RANBP3: variants seen among roughly 807,000 people sequenced by gnomAD.
The protein encoded by RANBP3 is ran-binding protein 3.
A neutral mutation model predicts 77.3 loss-of-function variants in RANBP3; 14 were observed. That is an observed-to-expected ratio of 0.18 (90% CI 0.12 to 0.28). RANBP3 has a LOEUF of 0.28. RANBP3 is among the 10% of genes least tolerant of loss of function. The pLI is 1.00. For synonymous variants in RANBP3, 315 were observed against 312.4 expected (o/e 1.01, Z -0.09); for missense variants, 586 against 752.3 (o/e 0.78, Z 2.59).
intron 1 of RANBP3, among the ~76,000 whole-genome samples, chr19:5,974,639 CCAA>C (rs1360386072): frequency 6.6e-6 from 1 of 152,030 alleles, no homozygotes; most frequent in Non-Finnish European, 1.5e-5. Context: ...GTGACGAGGG[CCAA>C]CAAGATGCTT....
chr19:5,921,369 G>A lies in RANBP3; in HGVS notation c.1210-48C>T, dbSNP rs2057817709. On this transcript the variant is annotated intron_variant, in intron 13 of 16. Transcript: ENST00000340578. The surrounding 1 kb of genome is among the most constrained non-coding windows in gnomAD (Gnocchi z 5.3). ...AAGCAGGGACCCCAGCTGGTGTCCT[G>A]CTGCAGCCACACCCTGAGAGTCGCC... 2 of 1,606,044 alleles carry A rather than the reference G, an allele frequency of 1.2e-6. No homozygotes were observed. The highest frequency in any genetic ancestry group is 2.7e-5 in the African/African-American group (2 of 74,806).
At position 5,923,837 on chromosome 19, in the gene RANBP3, C is replaced by A. The variant is rs761854168; in HGVS notation, c.1074G>T (p.Ser358=). 3.1e-6 allele frequency: 5 copies of A among 1,613,868 alleles called. No homozygotes were observed. The highest frequency in any genetic ancestry group is 4.2e-6 in the Non-Finnish European group (5 of 1,179,890). Residue 358 remains serine, a synonymous_variant, in exon 12 of 17, where the codon TCG becomes TCT. Coordinates refer to ENST00000340578, the MANE Select transcript of RANBP3 (RefSeq NM_007322.3). ...CTTTCTCAGGGGTGGCCTCCTGGGA[C>A]GAGGACTCAGACCCTGACTCGGCAG... The part of the protein sequence containing the change: ...NAAAESGSES[S]SQEATPEKES...
intron 1 of RANBP3, among the ~76,000 whole-genome samples, chr19:5,969,728 G>A (rs1384395317): frequency 6.6e-6 from 1 of 152,234 alleles, no homozygotes; most frequent in Non-Finnish European, 1.5e-5. Flanking sequence ...TCGGGCTTCA[G>A]CCCCTGTGAA....
chr19:5,977,982 C>A (rs1332132559), intron 1 of RANBP3, 79 bp downstream of exon 1: 1 of 1,578,916 alleles, frequency 6.3e-7, no homozygotes, highest in Non-Finnish European at 8.6e-7. Flanking sequence ...GCGGTGCTCC[C>A]CCCAAGGGCT....
rs1391546171 is a variant in RANBP3 at position 5,924,970 on chromosome 19, G to T, written c.918-65C>A. The T allele has an allele frequency of 2.8e-6, 4 of 1,429,634 alleles. No homozygotes were observed. Among genetic ancestry groups the T allele is most frequent in the Non-Finnish European group, 3.9e-6 (4 of 1,012,680 alleles). The allele number at this position is 1,429,634 out of a possible 1,614,324, so 88.6% of individuals were successfully genotyped here. On this transcript the variant is annotated intron_variant, in intron 10 of 16. Coordinates refer to ENST00000340578, the MANE Select transcript of RANBP3 (RefSeq NM_007322.3). This position sits in a 1 kb window ranked among gnomAD's most constrained non-coding sequence, Gnocchi z 4.7. ...GGAACGTGGCCAGGCAAATGTATGGGTACCCATGGAGCACACACTGACACA... is the reference window on the plus strand; with the variant it reads ...GGAACGTGGCCAGGCAAATGTATGGTTACCCATGGAGCACACACTGACACA...
intron 1 of RANBP3, among the ~76,000 whole-genome samples, chr19:5,966,232 C>T (rs540594526): frequency 2.0e-5 from 3 of 152,284 alleles, no homozygotes; most frequent in East Asian, 3.9e-4. Flanking sequence ...TGGAGGAGCA[C>T]GAACCAAACT....
In RANBP3 at chr19:5,937,009, T is replaced by C. The variant is rs1008613645; in HGVS notation, c.407-3530A>G. Among the ~76,000 whole-genome samples, 10 of 124,812 alleles carry C rather than the reference T, an allele frequency of 8.0e-5. No homozygotes were observed. In the Admixed American group the frequency reaches 8.5e-4, roughly 11 times the overall value. The allele number at this position is 124,812 out of a possible 152,430, so 81.9% of individuals were successfully genotyped here. On this transcript the variant is annotated intron_variant, in intron 5 of 16. Transcript: ENST00000340578. ...AGGCAGAGGGTGCAGTGAGCCAAGA[T>C]TGTGCCACTGCACTCCAGCCTGGGC...
chr19:5,972,223 A>G (rs146220635), intron 1 of RANBP3, among the ~76,000 whole-genome samples: 45 of 152,350 alleles, frequency 3.0e-4, no homozygotes, highest in Admixed American at 8.5e-4. Flanking sequence ...ACCATCTCCA[A>G]TGGTGCAGCC....
chr19:5,970,337 G>A (rs372418670), intron 1 of RANBP3, among the ~76,000 whole-genome samples: 28 of 152,130 alleles, frequency 1.8e-4, no homozygotes, highest in African/African-American at 6.0e-4. Context: ...GGGATTCACC[G>A]CCTCTCTCCC....
Position 5,916,553 on chromosome 19 carries a change from T to C in RANBP3, c.*1057A>G, listed in dbSNP as rs537419521. On this transcript the variant is annotated 3_prime_UTR_variant, in exon 17 of 17. Transcript: ENST00000340578. ...TCCACTCCAGTGTGCTGCGTGCTTG[T>C]GAGACTGCCTGTTCTGGGACCAGCC... 3 of 152,484 alleles carry C rather than the reference T, an allele frequency of 2.0e-5. No individual in the cohort carries two copies. The highest frequency in any genetic ancestry group is 3.9e-4 in the East Asian group (2 of 5,180). 9.4% of individuals were successfully genotyped at this position (152,484 alleles called of 1,614,324 possible).
chr19:5,954,407 G>C (rs772883750), intron 2 of RANBP3, among the ~76,000 whole-genome samples: 10 of 152,130 alleles, frequency 6.6e-5, no homozygotes, highest in African/African-American at 1.2e-4. Flanking sequence ...ATTTTCGTAG[G>C]AGTAACATGG....
At position 5,925,719 on chromosome 19, in the gene RANBP3, C is replaced by G. The variant is rs2057898087; in HGVS notation, c.832G>C (p.Asp278His). 2 of 1,613,824 alleles carry G rather than the reference C, an allele frequency of 1.2e-6. No individual in the cohort carries two copies. The highest frequency in any genetic ancestry group is 8.5e-7 in the Non-Finnish European group (1 of 1,180,008). Residue 278 changes from aspartate (D) to histidine (H), a missense_variant, in exon 10 of 17, where the codon GAC becomes CAC. Physicochemically the swap from Asp to His is moderately conservative, Grantham distance 81 (BLOSUM62 -1). Coordinates refer to ENST00000340578, the MANE Select transcript of RANBP3 (RefSeq NM_007322.3). ...CCAGCATTCTCCATGTCGGCTTCGTCCACGCTCTCATTTATCAGCTGGGAA... is the reference window on the plus strand; with the variant it reads ...CCAGCATTCTCCATGTCGGCTTCGTGCACGCTCTCATTTATCAGCTGGGAA... ...DRVKLINESV[D>H]EADMENAGHP...
At chr19:5,956,614 T>C (rs1331607234) in intron 2 of RANBP3, among the ~76,000 whole-genome samples, 2 of 152,214 alleles carry the variant, frequency 1.3e-5, no homozygotes, top group Non-Finnish European at 2.9e-5. Flanking sequence ...ACAGGTATCC[T>C]GGGAGGGGTG....
intron 1 of RANBP3, among the ~76,000 whole-genome samples, chr19:5,966,079 A>C (rs1024147885): frequency 6.6e-6 from 1 of 152,222 alleles, no homozygotes; most frequent in African/African-American, 2.4e-5. Flanking sequence ...TGCAAAAGGG[A>C]GGAGTTACCT....
At chr19:5,970,818 C>A (rs2058521586) in intron 1 of RANBP3, among the ~76,000 whole-genome samples, 1 of 152,210 alleles carries the variant, frequency 6.6e-6, no homozygotes, top group Non-Finnish European at 1.5e-5. Context: ...ACTTGCGTAT[C>A]ATCGTTCCCA....
chr19:5,918,389 C>A, intron 15 of RANBP3, 107 bp downstream of exon 15: 2 of 236,542 alleles, frequency 8.5e-6, no homozygotes, highest in Non-Finnish European at 8.6e-6. Flanking sequence ...GCAACTGAAG[C>A]CCCTCCCCCC....
chr19:5,944,763 A>G (rs149464733), intron 3 of RANBP3, among the ~76,000 whole-genome samples: 31 of 152,312 alleles, frequency 2.0e-4, no homozygotes, highest in African/African-American at 7.0e-4. Context: ...TGGCCTCACC[A>G]GTCCTCCCAT....
At chr19:5,977,870 T>C (rs1256710975) in intron 1 of RANBP3, among the ~76,000 whole-genome samples, 191 bp downstream of exon 1, 1 of 151,314 alleles carries the variant, frequency 6.6e-6, no homozygotes, top group Non-Finnish European at 1.5e-5. Flanking sequence ...TTGCCGGGAG[T>C]GATGGGCCGG....
At chr19:5,935,922 A>G (rs1034045515) in intron 5 of RANBP3, 8 of 415,820 alleles carry the variant, frequency 1.9e-5, no homozygotes, top group African/African-American at 1.6e-4. Flanking sequence ...GTGGGCCTGT[A>G]GAGGATGCTG....
Sources: allele counts gnomAD v4.1 joint callset (sites outside exome capture counted in the v4.1 genomes callset), GRCh38; gene constraint gnomAD v4.1.1; non-coding constraint Gnocchi (gnomAD v3.1); transcripts MANE v1.5; gene names NCBI Gene and HGNC (gene_info 2026-07-23, HGNC 2026-07-21).